Variants in NRXN3 observed in about 807,000 individuals in gnomAD.
NRXN3 encodes the protein neurexin III.
NRXN3 carries 32 observed loss-of-function variants against 137.6 expected under a neutral mutation model. That is an observed-to-expected ratio of 0.23 (90% CI 0.18 to 0.31). The LOEUF (loss-of-function observed/expected upper bound fraction) is 0.31, where lower values mean the gene tolerates loss of function less well. Ranked by LOEUF, NRXN3 falls within the 10% of genes least tolerant of loss-of-function variation. The pLI is 1.00. For missense variants in NRXN3, 1,574 were observed against 2,062.5 expected (o/e 0.76, Z 4.59); for synonymous variants, 798 against 784.5 (o/e 1.02, Z -0.29).
chr14:78,720,248 A>AT (rs2098453445), intron 8 of NRXN3, among the ~76,000 whole-genome samples: 1 of 152,190 alleles, frequency 6.6e-6, no homozygotes, highest in Non-Finnish European at 1.5e-5. Flanking sequence ...GAAATCTCAG[A>AT]TTCTTATGTC....
rs761655896 is a variant in NRXN3, at chr14:78,243,821, C to A, written c.709+19C>A. 8 of 1,533,988 alleles carry A rather than the reference C, an allele frequency of 5.2e-6. No homozygotes were observed. The African/African-American group carries it at 9.6e-5, about 18-fold the overall frequency. ...TCAGAAGGTAAGACCCTCTCCCTCT[C>A]TTGCTAGAGACCCACCCACGGGATG... On this transcript the variant is annotated intron_variant, in intron 2 of 20. Transcript: ENST00000335750. This position sits in a 1 kb window ranked among gnomAD's most constrained non-coding sequence, Gnocchi z 4.2.
chr14:79,690,859 G>T (rs187021617), intron 17 of NRXN3, among the ~76,000 whole-genome samples: 235 of 152,204 alleles, frequency 1.5e-3, no homozygotes, highest in African/African-American at 5.4e-3. Context: ...TTGGTCTGAT[G>T]CTATATGCAA....
rs116118284 is a variant in NRXN3, at chr14:78,293,797, T to G, written c.728-4034T>G. 6.4e-3 allele frequency among the ~76,000 whole-genome samples: 982 copies of G among 152,342 alleles called. 10 individuals carry two copies. Among genetic ancestry groups the G allele is most frequent in the African/African-American group, 0.023 (953 of 41,576 alleles). ...AAACTCCAGACCTCCATACTCTGATTCTTAGGATCATCTTTCCCTTTTTCC... is the reference window on the plus strand; with the variant it reads ...AAACTCCAGACCTCCATACTCTGATGCTTAGGATCATCTTTCCCTTTTTCC... On this transcript the variant is annotated intron_variant, in intron 3 of 20. Coordinates refer to ENST00000335750, the MANE Select transcript of NRXN3 (RefSeq NM_001330195.2).
At chr14:78,970,994 G>C (rs1156323352) in intron 14 of NRXN3, among the ~76,000 whole-genome samples, 1 of 152,210 alleles carries the variant, frequency 6.6e-6, no homozygotes, top group Non-Finnish European at 1.5e-5. Flanking sequence ...AGTCCTTGTT[G>C]ATTGTACACA....
At chr14:79,653,820 A>C (rs955084016) in intron 16 of NRXN3, among the ~76,000 whole-genome samples, 4 of 152,196 alleles carry the variant, frequency 2.6e-5, no homozygotes, top group Non-Finnish European at 5.9e-5. Context: ...CCCACACACA[A>C]GTCACATATA....
At chr14:78,487,375 G>A (rs1437751934) in intron 4 of NRXN3, among the ~76,000 whole-genome samples, 1 of 152,106 alleles carries the variant, frequency 6.6e-6, no homozygotes, top group African/African-American at 2.4e-5. Flanking sequence ...CTTTATCTCT[G>A]GGGGATAGTA....
intron 2 of NRXN3, among the ~76,000 whole-genome samples, chr14:78,262,331 G>A (rs1341407475): frequency 6.6e-6 from 1 of 152,148 alleles, no homozygotes; most frequent in Non-Finnish European, 1.5e-5. Flanking sequence ...GATAGGATGA[G>A]GGCAGCTCAC....
At chr14:78,889,190 C>T (rs948275551) in intron 10 of NRXN3, among the ~76,000 whole-genome samples, 14 of 151,952 alleles carry the variant, frequency 9.2e-5, no homozygotes, top group African/African-American at 3.4e-4. Context: ...TGATATTTAA[C>T]ATGACAAGCA....
chr14:79,793,938 G>T (rs34764611), intron 19 of NRXN3, among the ~76,000 whole-genome samples: 32,408 of 152,198 alleles, frequency 0.21, 3,693 homozygotes, highest in South Asian at 0.31. Context: ...CCATCCAAAA[G>T]TAACTTACTG....
intron 10 of NRXN3, among the ~76,000 whole-genome samples, chr14:78,861,992 C>G (rs1425381642): frequency 6.6e-6 from 1 of 152,084 alleles, no homozygotes; most frequent in South Asian, 2.1e-4. Flanking sequence ...GTGAACAAGA[C>G]AGATAAGTCC....
intron 4 of NRXN3, among the ~76,000 whole-genome samples, chr14:78,311,748 G>A (rs1369383185): frequency 6.6e-6 from 1 of 150,684 alleles, no homozygotes; most frequent in African/African-American, 2.4e-5. Flanking sequence ...TTTTTTTTGT[G>A]CACACAAAGA....
chr14:79,101,435 C>T (rs554260811), intron 15 of NRXN3, among the ~76,000 whole-genome samples: 37 of 152,270 alleles, frequency 2.4e-4, no homozygotes, highest in East Asian at 2.1e-3. Context: ...CAGCTAGCCA[C>T]GACAGAAAAA....
At chr14:78,894,107 G>A (rs1180678001) in intron 10 of NRXN3, among the ~76,000 whole-genome samples, 2 of 151,882 alleles carry the variant, frequency 1.3e-5, no homozygotes, top group Admixed American at 6.6e-5. Flanking sequence ...GGAGGTTAGG[G>A]TGGCTGTAGC....
At chr14:78,700,097 C>T (rs2098264900) in intron 6 of NRXN3, among the ~76,000 whole-genome samples, 1 of 152,082 alleles carries the variant, frequency 6.6e-6, no homozygotes, top group South Asian at 2.1e-4. Flanking sequence ...AAAAATATTC[C>T]CCCCTTAATT....
intron 16 of NRXN3, among the ~76,000 whole-genome samples, chr14:79,499,736 C>T (rs753251153): frequency 2.0e-5 from 3 of 152,116 alleles, no homozygotes; most frequent in African/African-American, 2.4e-5. Context: ...CAATTTTGAT[C>T]ATCTATCTCC....
intron 10 of NRXN3, among the ~76,000 whole-genome samples, chr14:78,942,772 G>A (rs1209071477): frequency 6.6e-6 from 1 of 152,038 alleles, no homozygotes; most frequent in Admixed American, 6.6e-5. Flanking sequence ...CATATTAAAT[G>A]TTCCCCAAAC....
chr14:79,801,214 A>G (rs2140493154), intron 19 of NRXN3, among the ~76,000 whole-genome samples: 1 of 152,312 alleles, frequency 6.6e-6, no homozygotes, highest in African/African-American at 2.4e-5. Context: ...ACCCACACAG[A>G]TTGTCTAGAT....
intron 3 of NRXN3, among the ~76,000 whole-genome samples, chr14:78,294,712 C>T (rs921664363): frequency 1.3e-5 from 2 of 152,112 alleles, no homozygotes; most frequent in African/African-American, 2.4e-5. Context: ...ACTTTCCTAG[C>T]GTCACAAGTT....
Position 78,528,451 on chromosome 14 carries a change from G to A in NRXN3, c.758-116669G>A, listed in dbSNP as rs375766665. On this transcript the variant is annotated intron_variant, in intron 4 of 20. Coordinates refer to ENST00000335750, the MANE Select transcript of NRXN3 (RefSeq NM_001330195.2). ...GTAGCCAGGATGTGGGATGTAGTGCGGGATGGTTGTTTTATTTGATTTTCC... is the reference window on the plus strand; with the variant it reads ...GTAGCCAGGATGTGGGATGTAGTGCAGGATGGTTGTTTTATTTGATTTTCC... Among the ~76,000 whole-genome samples the A allele has an allele frequency of 7.9e-5, 12 of 152,246 alleles. No homozygotes were observed. The South Asian group carries it at 1.0e-3, about 13-fold the overall frequency.
Sources: allele counts gnomAD v4.1 joint callset (sites outside exome capture counted in the v4.1 genomes callset), GRCh38; gene constraint gnomAD v4.1.1; non-coding constraint Gnocchi (gnomAD v3.1); transcripts MANE v1.5; gene names NCBI Gene and HGNC (gene_info 2026-07-23, HGNC 2026-07-21).